Variants in COL4A5 observed in about 807,000 individuals in gnomAD.
COL4A5 encodes the protein collagen type IV alpha 5 chain.
In COL4A5, 26 loss-of-function variants were observed where a neutral mutation model predicts 130.2. The ratio of observed to expected loss-of-function variants is 0.20; its 90% CI spans 0.15 to 0.28. The LOEUF is 0.28. COL4A5 is among the 10% of genes least tolerant of loss of function. The probability of loss-of-function intolerance (pLI) is 1.00; values close to 1 mark genes in which losing one functional copy is unlikely to be tolerated. For missense variants in COL4A5, 1,131 were observed against 1,344.3 expected (o/e 0.84, Z 2.48); for synonymous variants, 496 against 439.6 (o/e 1.13, Z -1.60).
chrX:108,586,462 A>C (rs1007000661), intron 18 of COL4A5, among the ~76,000 whole-genome samples, 153 bp from the exon 19 acceptor site: 1 of 111,738 alleles, frequency 8.9e-6, no homozygotes, highest in Non-Finnish European at 1.9e-5. Flanking sequence ...GACATTTTCT[A>C]ATCAGTTGGA....
In COL4A5 at chrX:108,586,628, C is replaced by T. The variant is rs780444075; in HGVS notation, c.1046C>T (p.Pro349Leu). The stretch of plus-strand genomic sequence containing the variant: ...TTGGTAATAAAGGTAATTCCTAGAC[C>T]TGGGACTGGTATAACTATAGGAGAA... The part of the protein sequence containing the change: ...PGPPGLVIPR[P>L]GTGITIGEKG... Residue 349 changes from proline to leucine, a missense_variant, in exon 19 of 53, where the codon CCT (proline) becomes CTT (leucine). Coordinates refer to ENST00000328300, the MANE Select transcript of COL4A5 (RefSeq NM_033380.3). The T allele has an allele frequency of 1.7e-6, 2 of 1,205,882 alleles. No individual in the cohort carries two copies. Among genetic ancestry groups the T allele is most frequent in the Admixed American group, 4.4e-5 (2 of 45,773 alleles).
chrX:108,593,006 C>A (rs1277370002), intron 21 of COL4A5, among the ~76,000 whole-genome samples: 1 of 111,434 alleles, frequency 9.0e-6, no homozygotes, highest in Non-Finnish European at 1.9e-5. Context: ...TATCTATGTT[C>A]TTGTTTGTTG....
intron 36 of COL4A5, among the ~76,000 whole-genome samples, chrX:108,635,977 AGGGGTAAGGAGTG>A (rs2067345631): frequency 8.9e-6 from 1 of 112,181 alleles, no homozygotes; most frequent in South Asian, 3.7e-4. Context: ...TATTCCCAAA[AGGGGTAAGGAGTG>A]GGGGAAGTGT....
chrX:108,538,498 T>G (rs1199623497), intron 1 of COL4A5, among the ~76,000 whole-genome samples: 1 of 111,409 alleles, frequency 9.0e-6, no homozygotes, highest in Non-Finnish European at 1.9e-5. Context: ...TGACTTTTAG[T>G]TGCAGCTGAG....
intron 2 of COL4A5, among the ~76,000 whole-genome samples, chrX:108,540,935 C>A (rs1002891295): frequency 8.9e-6 from 1 of 112,071 alleles, no homozygotes; most frequent in African/African-American, 3.2e-5. Context: ...TGGGATCATA[C>A]TCTTGTCTCC....
intron 1 of COL4A5, among the ~76,000 whole-genome samples, chrX:108,535,116 G>A (rs1914145637): frequency 9.0e-6 from 1 of 110,731 alleles, no homozygotes; most frequent in Non-Finnish European, 1.9e-5. Context: ...CCCATCCATT[G>A]AGTTTTAAAT....
At chrX:108,481,026 C>G (rs894520111) in intron 1 of COL4A5, among the ~76,000 whole-genome samples, 1 of 111,810 alleles carries the variant, frequency 8.9e-6, no homozygotes. Flanking sequence ...TGCCAGCTGC[C>G]AAGTATGTCT....
intron 1 of COL4A5, among the ~76,000 whole-genome samples, chrX:108,533,968 T>C (rs1416267692): frequency 9.0e-6 from 1 of 111,020 alleles, no homozygotes; most frequent in Non-Finnish European, 1.9e-5. Flanking sequence ...ATCAGAGAAA[T>C]GCAGATGAAA....
intron 2 of COL4A5, among the ~76,000 whole-genome samples, chrX:108,541,153 T>C (rs1254960720): frequency 8.9e-6 from 1 of 112,353 alleles, no homozygotes; most frequent in Non-Finnish European, 1.9e-5. Context: ...GACCATGTTA[T>C]AGACTTTCCC....
chrX:108,607,680 C>T (rs1338956423), intron 29 of COL4A5, among the ~76,000 whole-genome samples: 1 of 110,254 alleles, frequency 9.1e-6, no homozygotes, highest in Non-Finnish European at 1.9e-5. Flanking sequence ...GACAGGGTTT[C>T]ACCATGTTGG....
chrX:108,530,774 C>T (rs1196434059), intron 1 of COL4A5, among the ~76,000 whole-genome samples: 40 of 102,615 alleles, frequency 3.9e-4, no homozygotes, highest in Non-Finnish European at 6.9e-4. Flanking sequence ...TAAACTAGTT[C>T]AACCATTGTG....
chrX:108,451,169 G>T (rs369066160), intron 1 of COL4A5, among the ~76,000 whole-genome samples: 5 of 110,331 alleles, frequency 4.5e-5, no homozygotes, highest in Admixed American at 9.7e-5. Context: ...ACAAAGGACA[G>T]GAACTCATCC....
At chrX:108,629,287 GAA>G (rs2067208877) in intron 36 of COL4A5, among the ~76,000 whole-genome samples, 1 of 111,614 alleles carries the variant, frequency 9.0e-6, no homozygotes, top group Non-Finnish European at 1.9e-5. Flanking sequence ...GGAGCAAATG[GAA>G]AGAGTTAACA....
rs59169605 is a variant in COL4A5 at position 108,587,326 on chromosome X, C to CTT, written c.1165+589_1165+590dup. ...CTACTCTCCACCTCCATGAGATCAACTTTTTTTTTTTAACCTCCTACGTAA... is the reference window on the plus strand; with the variant it reads ...CTACTCTCCACCTCCATGAGATCAACTTTTTTTTTTTTTAACCTCCTACGTAA... On this transcript the variant is annotated intron_variant, in intron 19 of 52. Transcript: ENST00000328300. Among the ~76,000 whole-genome samples the CTT allele has an allele frequency of 7.4e-3, 767 of 104,250 alleles. 8 individuals are homozygous for CTT. Among genetic ancestry groups the CTT allele is most frequent in the African/African-American group, 0.026 (727 of 28,246 alleles). The allele number at this position is 104,250 out of a possible 115,157, so 90.5% of individuals were successfully genotyped here. A position where few individuals can be genotyped will look rare whatever the true frequency, so the allele number is the denominator to read the frequency against.
At chrX:108,594,262 T>G (rs760234449) in intron 21 of COL4A5, among the ~76,000 whole-genome samples, 15 of 111,444 alleles carry the variant, frequency 1.3e-4, no homozygotes, top group Non-Finnish European at 2.3e-4. Flanking sequence ...AACATCTCAT[T>G]GGCTCTACTT....
intron 1 of COL4A5, among the ~76,000 whole-genome samples, chrX:108,533,916 G>A (rs1401905994): frequency 9.0e-6 from 1 of 111,046 alleles, no homozygotes; most frequent in Non-Finnish European, 1.9e-5. Flanking sequence ...TCATAAAAAA[G>A]ACATACAAAT....
intron 25 of COL4A5, among the ~76,000 whole-genome samples, chrX:108,599,159 C>G (rs1165510223): frequency 9.0e-6 from 1 of 111,315 alleles, no homozygotes; most frequent in Non-Finnish European, 1.9e-5. Context: ...AGCTACCACA[C>G]ACATCAAAAA....
At chrX:108,658,140 A>G (rs764588362) in intron 37 of COL4A5, among the ~76,000 whole-genome samples, 1 of 111,280 alleles carries the variant, frequency 9.0e-6, no homozygotes, top group African/African-American at 3.2e-5. Context: ...TTCTAGTCAT[A>G]CTATAATGGG....
At chrX:108,520,976 G>A (rs1337025042) in intron 1 of COL4A5, among the ~76,000 whole-genome samples, 3 of 111,728 alleles carry the variant, frequency 2.7e-5, no homozygotes, top group Non-Finnish European at 5.7e-5. Context: ...GTGTGCATGT[G>A]TTTAATGATT....
Sources: allele counts gnomAD v4.1 joint callset (sites outside exome capture counted in the v4.1 genomes callset), GRCh38; gene constraint gnomAD v4.1.1; transcripts MANE v1.5; gene names NCBI Gene and HGNC (gene_info 2026-07-23, HGNC 2026-07-21).